The following RFTN1 variants were observed in gnomAD, a reference collection of about 807,000 sequenced individuals.
The protein encoded by RFTN1 is raftlin.
In RFTN1, 26 loss-of-function variants were observed where a neutral mutation model predicts 46.5. The ratio of observed to expected loss-of-function variants is 0.56; its 90% confidence interval spans 0.41 to 0.78. RFTN1 has a LOEUF of 0.78. RFTN1 is among the 30% of genes least tolerant of loss of function. The probability of loss-of-function intolerance (pLI) is 0.00; values close to 1 mark genes in which losing one functional copy is unlikely to be tolerated. For missense variants in RFTN1, 693 were observed against 718.7 expected (o/e 0.96, Z 0.41); for synonymous variants, 261 against 284.2 (o/e 0.92, Z 0.82).
chr3:16,485,272 C>G (rs1375844310), intron 2 of RFTN1, among the ~76,000 whole-genome samples: 1 of 152,034 alleles, frequency 6.6e-6, no homozygotes, highest in Non-Finnish European at 1.5e-5. Flanking sequence ...GAATATTACT[C>G]AGAAACAAAA....
rs34705903 is a variant in RFTN1, at chr3:16,426,660, CGTGTGTGTGT to C, written c.332+7181_332+7190del. Among the ~76,000 whole-genome samples, 10 of 142,120 alleles carry C rather than the reference CGTGTGTGTGT, an allele frequency of 7.0e-5. No homozygotes were observed. The highest frequency in any genetic ancestry group is 4.8e-4 in the South Asian group (2 of 4,202). 93.2% of individuals were successfully genotyped at this position (142,120 alleles called of 152,430 possible). On this transcript the variant is annotated intron_variant, in intron 3 of 9. Transcript: ENST00000334133. The surrounding 1 kb of genome is among the most constrained non-coding windows in gnomAD (Gnocchi z 5.9). ...ACTGTTATTTTGGCAATGAAAGGAT[CGTGTGTGTGT>C]GTGTGTGTGTGTGTGTGTGTGTGTG...
rs530111383 is a variant in RFTN1 at position 16,423,869 on chromosome 3, C to T, written c.332+9982G>A. ...TCTCTAACAAAGACTGCTACCTTAGCGGACCCAAAAGACACGTAATAAATA... is the reference window on the plus strand; with the variant it reads ...TCTCTAACAAAGACTGCTACCTTAGTGGACCCAAAAGACACGTAATAAATA... On this transcript the variant is annotated intron_variant, in intron 3 of 9. Coordinates refer to ENST00000334133, the MANE Select transcript of RFTN1 (RefSeq NM_015150.2). 3.9e-5 allele frequency among the ~76,000 whole-genome samples: 6 copies of T among 152,278 alleles called. 1 individual carries two copies. The highest frequency in any genetic ancestry group is 4.1e-4 in the South Asian group (2 of 4,824).
chr3:16,408,540 T>C lies in RFTN1; in HGVS notation c.441+835A>G, dbSNP rs144266141. Among the ~76,000 whole-genome samples the C allele has an allele frequency of 5.8e-3, 874 of 150,714 alleles. 6 individuals are homozygous for C. The highest frequency in any genetic ancestry group is 0.011 in the Non-Finnish European group (735 of 67,810). On this transcript the variant is annotated intron_variant, in intron 4 of 9. Coordinates refer to ENST00000334133, the MANE Select transcript of RFTN1 (RefSeq NM_015150.2). ...AGTGAACTCAGCCCCAGTTTGGGGC[T>C]AGGACATTCCTTCTGTAGTAAATAT... is the stretch of plus-strand genomic sequence containing the variant.
intron 2 of RFTN1, among the ~76,000 whole-genome samples, chr3:16,445,308 A>G (rs973214643): frequency 6.6e-6 from 1 of 152,146 alleles, no homozygotes; most frequent in African/African-American, 2.4e-5. Context: ...AGAGAAAGAA[A>G]GAGAGAGAGA....
intron 2 of RFTN1, among the ~76,000 whole-genome samples, chr3:16,454,616 G>C (rs2075874237): frequency 6.6e-6 from 1 of 152,238 alleles, no homozygotes; most frequent in Non-Finnish European, 1.5e-5. Flanking sequence ...GAATTGGGTA[G>C]ATGGATACAT....
Position 16,318,424 on chromosome 3 carries a change from T to C in RFTN1, c.1333-1192A>G, listed in dbSNP as rs188684808. Among the ~76,000 whole-genome samples the C allele has an allele frequency of 2.7e-3, 408 of 152,304 alleles. 3 individuals carry two copies. The highest frequency in any genetic ancestry group is 9.2e-3 in the African/African-American group (383 of 41,570). ...GGAGCCCAGGAATGCAGTTGCACCA[T>C]CAGTGGGAAATGATTTCTTAAGGCT... On this transcript the variant is annotated intron_variant, in intron 9 of 9. Transcript: ENST00000334133.
chr3:16,398,205 C>T (rs1034190739), intron 4 of RFTN1, among the ~76,000 whole-genome samples: 2 of 146,662 alleles, frequency 1.4e-5, no homozygotes, highest in African/African-American at 2.5e-5. Flanking sequence ...CGAGATCGCA[C>T]CACTGCACTC....
chr3:16,488,813 G>A (rs2076494575), intron 2 of RFTN1, among the ~76,000 whole-genome samples: 1 of 152,162 alleles, frequency 6.6e-6, no homozygotes, highest in Non-Finnish European at 1.5e-5. Context: ...AGAAATGAGT[G>A]TATCCACCTA....
chr3:16,316,945 A>G lies in RFTN1; in HGVS notation c.1620T>C (p.Pro540=), dbSNP rs780859937. Reference sequence around the variant, plus strand: ...CCACCAGGGCCCTGCTGTGGCTGGCAGGACCATTCTGCACAGCCTCACCCT... The same window carrying G: ...CCACCAGGGCCCTGCTGTGGCTGGCGGGACCATTCTGCACAGCCTCACCCT... The part of the protein sequence containing the change: ...GVEGEAVQNG[P]ASHSRALVGI... The change falls in exon 10 of 10, where the codon CCT becomes CCC. Residue 540 remains proline (P), a synonymous_variant. Coordinates refer to ENST00000334133, the MANE Select transcript of RFTN1 (RefSeq NM_015150.2). The surrounding 1 kb of genome is among the most constrained non-coding windows in gnomAD (Gnocchi z 4.5). 1 of 1,614,034 alleles carries G rather than the reference A, an allele frequency of 6.2e-7. No homozygotes were observed. The highest frequency in any genetic ancestry group is 1.1e-5 in the South Asian group (1 of 91,078).
At chr3:16,511,286 A>G (rs2125018795) in intron 1 of RFTN1, among the ~76,000 whole-genome samples, 1 of 152,368 alleles carries the variant, frequency 6.6e-6, no homozygotes, top group South Asian at 2.1e-4. Context: ...TATAAATTTT[A>G]TCTTAAGGAA....
At chr3:16,403,740 AT>A (rs1209567819) in intron 4 of RFTN1, among the ~76,000 whole-genome samples, 2 of 21,370 alleles carry the variant, frequency 9.4e-5, no homozygotes, top group Non-Finnish European at 1.3e-4. Flanking sequence ...TATATATTAT[AT>A]TATATATTAT....
intron 6 of RFTN1, among the ~76,000 whole-genome samples, chr3:16,366,330 G>A (rs1417650424): frequency 1.3e-5 from 2 of 152,220 alleles, no homozygotes; most frequent in Non-Finnish European, 2.9e-5. Flanking sequence ...ACAACAGCTG[G>A]CTCAGCTCGG....
rs191301286 is a variant in RFTN1 at position 16,509,687 on chromosome 3, C to T, written c.-9+3755G>A. On this transcript the variant is annotated intron_variant, in intron 1 of 9. Transcript: ENST00000334133. The surrounding 1 kb of genome is among the most constrained non-coding windows in gnomAD (Gnocchi z 4.9). ...GTGTTTTCCAAGCCATGGTAAAGTG[C>T]CCTCGAGTAAAATACATCCTGGGGC... 4.6e-3 allele frequency among the ~76,000 whole-genome samples: 701 copies of T among 152,300 alleles called. 6 individuals are homozygous for T. Among genetic ancestry groups the T allele is most frequent in the Non-Finnish European group, 7.0e-3 (474 of 68,014 alleles).
At position 16,425,895 on chromosome 3, in the gene RFTN1, C is replaced by A. The variant is rs979217063; in HGVS notation, c.332+7956G>T. ...CGGAGAGCTAATCAAATCCTCCACACCCCTCAGGAAGCTAGAGAAAACTGA... is the reference window on the plus strand; with the variant it reads ...CGGAGAGCTAATCAAATCCTCCACAACCCTCAGGAAGCTAGAGAAAACTGA... On this transcript the variant is annotated intron_variant, in intron 3 of 9. Coordinates refer to ENST00000334133, the MANE Select transcript of RFTN1 (RefSeq NM_015150.2). The surrounding 1 kb of genome is among the most constrained non-coding windows in gnomAD (Gnocchi z 4.3). Among the ~76,000 whole-genome samples, 2 of 152,072 alleles carry A rather than the reference C, an allele frequency of 1.3e-5. No individual in the cohort carries two copies. Among genetic ancestry groups the A allele is most frequent in the African/African-American group, 4.8e-5 (2 of 41,386 alleles).
At chr3:16,485,982 G>A (rs1239501975) in intron 2 of RFTN1, among the ~76,000 whole-genome samples, 4 of 152,082 alleles carry the variant, frequency 2.6e-5, no homozygotes, top group African/African-American at 9.7e-5. Flanking sequence ...TTCAACTTTC[G>A]GGGCTACTTG....
chr3:16,367,953 C>T (rs2073299746), intron 6 of RFTN1, among the ~76,000 whole-genome samples: 1 of 152,118 alleles, frequency 6.6e-6, no homozygotes, highest in African/African-American at 2.4e-5. Context: ...CAAGTGGCCA[C>T]CTGTGTATCC....
chr3:16,316,673 C>T lies in RFTN1; in HGVS notation c.*155G>A, dbSNP rs1433361585. On this transcript the variant is annotated 3_prime_UTR_variant, in exon 10 of 10. Transcript: ENST00000334133. This position sits in a 1 kb window ranked among gnomAD's most constrained non-coding sequence, Gnocchi z 4.5. ...AAAACCAACACTGTCAGGAACCTGG[C>T]CCTGGGAGGGCTCAGGTGAGCTCAC... is the stretch of plus-strand genomic sequence containing the variant. 1.1e-5 allele frequency: 9 copies of T among 806,322 alleles called. No individual in the cohort carries two copies. Among genetic ancestry groups the T allele is most frequent in the Admixed American group, 2.3e-5 (1 of 43,320 alleles). 49.9% of individuals were successfully genotyped at this position (806,322 alleles called of 1,614,324 possible). A position where few individuals can be genotyped will look rare whatever the true frequency, so the allele number is the denominator to read the frequency against.
At chr3:16,355,941 C>T (rs906541980) in intron 7 of RFTN1, among the ~76,000 whole-genome samples, 2 of 152,258 alleles carry the variant, frequency 1.3e-5, no homozygotes, top group Non-Finnish European at 2.9e-5. Context: ...ATTTCACACA[C>T]ATCCCCATGG....
intron 4 of RFTN1, among the ~76,000 whole-genome samples, chr3:16,397,401 A>G (rs1395517721): frequency 1.3e-5 from 2 of 152,222 alleles, no homozygotes; most frequent in East Asian, 3.8e-4. Flanking sequence ...ATGCAGGATG[A>G]ATAAGTCTGG....
Sources: gnomAD v4.1 joint callset for allele counts (sites outside exome capture counted in the v4.1 genomes callset) on GRCh38, gnomAD v4.1.1 for gene constraint, Gnocchi (gnomAD v3.1) non-coding constraint, MANE v1.5 for transcripts, NCBI Gene and HGNC (gene_info 2026-07-23, HGNC 2026-07-21) for gene names.